The following PDZD8 variants were observed in gnomAD, a reference collection of about 807,000 sequenced individuals.
PDZD8 encodes PDZ domain containing 8, also known as PDZ domain-containing protein 8.
In PDZD8, 14 loss-of-function variants were observed where a neutral mutation model predicts 85.8. That is an observed-to-expected ratio of 0.16 (90% CI 0.11 to 0.26). The LOEUF (loss-of-function observed/expected upper bound fraction) is 0.26, where lower values mean the gene tolerates loss of function less well. Ranked by LOEUF, PDZD8 falls within the 10% of genes least tolerant of loss-of-function variation. PDZD8 has a pLI of 1.00. For synonymous variants in PDZD8, 592 were observed against 568.6 expected (o/e 1.04, Z -0.59); for missense variants, 1,197 against 1,424.3 (o/e 0.84, Z 2.57).
At chr10:117,364,207 TGA>T (rs1554858564) in intron 1 of PDZD8, among the ~76,000 whole-genome samples, 31 of 144,144 alleles carry the variant, frequency 2.2e-4, no homozygotes, top group Admixed American at 4.9e-4. Context: ...TGTGTGTGTG[TGA>T]GAGTGTGTGT....
At chr10:117,296,609 T>A (rs1360587311) in intron 3 of PDZD8, among the ~76,000 whole-genome samples, 8 of 152,100 alleles carry the variant, frequency 5.3e-5, no homozygotes, top group African/African-American at 1.7e-4. Flanking sequence ...ATTGGTCTAA[T>A]GACAGACACA....
chr10:117,353,826 T>C (rs1490574535), intron 1 of PDZD8, among the ~76,000 whole-genome samples: 3 of 152,118 alleles, frequency 2.0e-5, no homozygotes, highest in Non-Finnish European at 4.4e-5. Flanking sequence ...TATTCCAAAA[T>C]GGAGAATTAG....
chr10:117,374,962 G>A lies in PDZD8; in HGVS notation c.266C>T (p.Pro89Leu). 6.2e-7 allele frequency: 1 copy of A among 1,608,962 alleles called. No individual in the cohort carries two copies. Among genetic ancestry groups the A allele is most frequent in the Non-Finnish European group, 8.5e-7 (1 of 1,178,104 alleles). ...TPTAAPETPAPPTRETCYFLN... is the reference protein window; with the variant it reads ...TPTAAPETPALPTRETCYFLN... Reference sequence around the variant, plus strand: ...GAAGTAGCAAGTCTCCCGCGTCGGCGGGGCGGGGGTCTCGGGGGCCGCGGT... The same window carrying A: ...GAAGTAGCAAGTCTCCCGCGTCGGCAGGGCGGGGGTCTCGGGGGCCGCGGT... The change falls in exon 1 of 5, where the codon CCG becomes CTG. Residue 89 changes from proline (P) to leucine (L), a missense_variant. By Grantham distance (98) the Pro-to-Leu change is moderately conservative. This residue lies in a region of PDZD8 where 172 missense variants were observed against 137.8 expected (regional missense o/e 1.25). Coordinates refer to ENST00000334464, the MANE Select transcript of PDZD8 (RefSeq NM_173791.5). The surrounding 1 kb of genome is among the most constrained non-coding windows in gnomAD (Gnocchi z 7.8).
intron 3 of PDZD8, among the ~76,000 whole-genome samples, chr10:117,316,205 G>A (rs2133805836): frequency 6.6e-6 from 1 of 152,234 alleles, no homozygotes; most frequent in East Asian, 1.9e-4. Context: ...TATCCTATGA[G>A]CTCTTTTATT....
At chr10:117,366,160 A>G (rs1325570831) in intron 1 of PDZD8, among the ~76,000 whole-genome samples, 1 of 152,202 alleles carries the variant, frequency 6.6e-6, no homozygotes, top group Non-Finnish European at 1.5e-5. Flanking sequence ...TTAAGAAGGT[A>G]AGCAAAATAA....
chr10:117,367,403 C>T (rs941870761), intron 1 of PDZD8, among the ~76,000 whole-genome samples: 6 of 133,318 alleles, frequency 4.5e-5, no homozygotes, highest in Non-Finnish European at 8.0e-5. Flanking sequence ...AGTGAGACTC[C>T]GTCTCAAAAC....
At chr10:117,299,067 G>A (rs1204375555) in intron 3 of PDZD8, among the ~76,000 whole-genome samples, 1 of 152,100 alleles carries the variant, frequency 6.6e-6, no homozygotes, top group African/African-American at 2.4e-5. Context: ...TCCGTAGTTG[G>A]CTGAATCCCA....
intron 1 of PDZD8, among the ~76,000 whole-genome samples, chr10:117,346,277 T>C (rs1844707529): frequency 6.7e-6 from 1 of 150,084 alleles, no homozygotes; most frequent in South Asian, 2.1e-4. Context: ...ATGACAATGT[T>C]ACACTAAATA....
At chr10:117,353,461 T>C (rs570431372) in intron 1 of PDZD8, among the ~76,000 whole-genome samples, 5 of 152,286 alleles carry the variant, frequency 3.3e-5, no homozygotes, top group Middle Eastern at 3.4e-3. Flanking sequence ...CGAATCTCTC[T>C]CTGTTCTAAT....
Position 117,375,394 on chromosome 10 carries a change from G to C in PDZD8, c.-167C>G, listed in dbSNP as rs1020870256. 5.9e-6 allele frequency: 2 copies of C among 341,530 alleles called. No individual in the cohort carries two copies. Among genetic ancestry groups the C allele is most frequent in the Non-Finnish European group, 1.0e-5 (2 of 195,994 alleles). The allele number at this position is 341,530 out of a possible 1,614,324, so 21.2% of individuals were successfully genotyped here. A position where few individuals can be genotyped will look rare whatever the true frequency, so the allele number is the denominator to read the frequency against. ...CGGGCCGGCGCGCTGCGGCGCCCGA[G>C]CCCGCAGCGGCCCGCGCCTCCTCAG... On this transcript the variant is annotated 5_prime_UTR_variant, in exon 1 of 5. Transcript: ENST00000334464.
At chr10:117,305,856 T>C (rs188020217) in intron 3 of PDZD8, among the ~76,000 whole-genome samples, 1 of 152,314 alleles carries the variant, frequency 6.6e-6, no homozygotes, top group African/African-American at 2.4e-5. Context: ...TCATCTAGCA[T>C]GGCTTTGTTC....
chr10:117,315,785 GC>G (rs1844119241), intron 3 of PDZD8, among the ~76,000 whole-genome samples: 1 of 151,902 alleles, frequency 6.6e-6, no homozygotes, highest in African/African-American at 2.4e-5. Flanking sequence ...ATTCACATGT[GC>G]TTTAATATAT....
chr10:117,322,498 GT>G (rs1204597409), intron 2 of PDZD8, among the ~76,000 whole-genome samples: 1 of 152,152 alleles, frequency 6.6e-6, no homozygotes, highest in East Asian at 1.9e-4. Flanking sequence ...TAGCTGAGGA[GT>G]CACTGGCAAG....
Position 117,281,812 on chromosome 10 carries a change from C to G in PDZD8, c.*1456G>C, listed in dbSNP as rs1232467281. ...CCCCAGTCCTTAATATTACACCATG[C>G]TTTTTCCTGCCAGCAATAAAAGCTG... On this transcript the variant is annotated 3_prime_UTR_variant, in exon 5 of 5. Coordinates refer to ENST00000334464, the MANE Select transcript of PDZD8 (RefSeq NM_173791.5). The G allele has an allele frequency of 6.6e-6, 1 of 152,156 alleles. No homozygotes were observed. Among genetic ancestry groups the G allele is most frequent in the Non-Finnish European group, 1.5e-5 (1 of 68,034 alleles). 9.4% of individuals were successfully genotyped at this position (152,156 alleles called of 1,614,324 possible).
chr10:117,305,036 G>A (rs1035341990), intron 3 of PDZD8, among the ~76,000 whole-genome samples: 7 of 152,056 alleles, frequency 4.6e-5, no homozygotes, highest in African/African-American at 7.3e-5. Flanking sequence ...TTCTATATCC[G>A]ACAAATACCA....
Position 117,277,464 on chromosome 10 carries a change from TATAA to T in PDZD8, c.*5800_*5803del, listed in dbSNP as rs1844516538. On this transcript the variant is annotated 3_prime_UTR_variant, in exon 5 of 5. Coordinates refer to ENST00000334464, the MANE Select transcript of PDZD8 (RefSeq NM_173791.5). ...AAAAAGAAGCTTTTCTAGGGGTTTG[TATAA>T]ATAGTGTTGAAACTTTATTTTATGT... is the stretch of plus-strand genomic sequence containing the variant. 5.6e-6 allele frequency: 2 copies of T among 358,394 alleles called. No homozygotes were observed. Among genetic ancestry groups the T allele is most frequent in the South Asian group, 9.4e-5 (1 of 10,588 alleles). 22.2% of individuals were successfully genotyped at this position (358,394 alleles called of 1,614,324 possible).
intron 1 of PDZD8, among the ~76,000 whole-genome samples, chr10:117,363,173 T>C (rs1452739632): frequency 6.6e-6 from 1 of 152,138 alleles, no homozygotes; most frequent in Non-Finnish European, 1.5e-5. Context: ...CAAAAAGCTT[T>C]GAATTATTTA....
In PDZD8 at chr10:117,375,204, C is replaced by T; in HGVS notation, c.24G>A (p.Leu8=). The T allele has an allele frequency of 6.5e-7, 1 of 1,546,810 alleles. No individual in the cohort carries two copies. Among genetic ancestry groups the T allele is most frequent in the Non-Finnish European group, 8.7e-7 (1 of 1,151,202 alleles). ...GGAAGGAACCCAGCACGGCCGACGC[C>T]AGGATCATGAGCAGCAGCCCCATCC... The part of the protein sequence containing the change: MGLLLMI[L]ASAVLGSFLT... Residue 8 remains leucine (L), a synonymous_variant, in exon 1 of 5, where the codon CTG becomes CTA. Coordinates refer to ENST00000334464, the MANE Select transcript of PDZD8 (RefSeq NM_173791.5).
chr10:117,302,571 A>C (rs1475885175), intron 3 of PDZD8, among the ~76,000 whole-genome samples: 2 of 152,228 alleles, frequency 1.3e-5, no homozygotes, highest in Non-Finnish European at 2.9e-5. Flanking sequence ...AGAATCTCTC[A>C]ACTAAGGAGA....
Sources: gnomAD v4.1 joint callset for allele counts (sites outside exome capture counted in the v4.1 genomes callset) on GRCh38, gnomAD v4.1.1 for gene constraint, gnomAD v4.1.1 regional missense constraint, Gnocchi (gnomAD v3.1) non-coding constraint, MANE v1.5 for transcripts, NCBI Gene and HGNC (gene_info 2026-07-23, HGNC 2026-07-21) for gene names.